Variants in SAMHD1 observed in about 807,000 individuals in gnomAD.
The protein encoded by SAMHD1 is deoxynucleoside triphosphate triphosphohydrolase SAMHD1.
In SAMHD1, 54 loss-of-function variants were observed where a neutral mutation model predicts 79.6. The observed-to-expected ratio is 0.68, with a 90% CI of 0.55 to 0.85. The LOEUF (loss-of-function observed/expected upper bound fraction) is 0.85, where lower values mean the gene tolerates loss of function less well. SAMHD1 is among the 40% of genes least tolerant of loss of function. The probability of loss-of-function intolerance (pLI) is 0.00; values close to 1 mark genes in which losing one functional copy is unlikely to be tolerated. For synonymous variants in SAMHD1, 260 were observed against 264.1 expected (o/e 0.98, Z 0.15); for missense variants, 663 against 782.7 (o/e 0.85, Z 1.82).
chr20:36,948,543 G>A (rs545618457), intron 1 of SAMHD1, among the ~76,000 whole-genome samples: 72 of 149,902 alleles, frequency 4.8e-4, no homozygotes, highest in Admixed American at 1.3e-3. Context: ...GTGAGCCACC[G>A]TGCCCGGCCA....
At chr20:36,932,773 A>G (rs1214753481) in intron 4 of SAMHD1, among the ~76,000 whole-genome samples, 2 of 152,000 alleles carry the variant, frequency 1.3e-5, no homozygotes, top group African/African-American at 4.8e-5. Context: ...TAAGATGATA[A>G]GAGTTTTGGC....
chr20:36,929,952 G>A (rs1214291471), intron 5 of SAMHD1, among the ~76,000 whole-genome samples: 6 of 151,922 alleles, frequency 3.9e-5, no homozygotes, highest in Admixed American at 6.6e-5. Context: ...AAGGCCAGGC[G>A]CGGTGGCTTA....
chr20:36,928,756 C>G (rs1273136652), intron 5 of SAMHD1, among the ~76,000 whole-genome samples: 1 of 150,156 alleles, frequency 6.7e-6, no homozygotes, highest in African/African-American at 2.5e-5. Flanking sequence ...AACTCTCAAG[C>G]TTAAAAAAAT....
At position 36,893,014 on chromosome 20, in the gene SAMHD1, T is replaced by C. The variant is rs2148352199; in HGVS notation, c.1799A>G (p.Asp600Gly). Residue 600 changes from aspartate (D) to glycine (G), a missense_variant, in exon 16 of 16, where the codon GAC (aspartate) becomes GGC (glycine). Physicochemically the swap from Asp to Gly is moderately conservative, Grantham distance 94. Coordinates refer to ENST00000646673, the MANE Select transcript of SAMHD1 (RefSeq NM_015474.4). ...AGTTGGATTTTGGACTGAAGTACTG[T>C]CGTTCCATTCCTTTTTTTGAGGTGT... ...LITPQKKEWN[D>G]STSVQNPTRL... The C allele has an allele frequency of 6.2e-7, 1 of 1,614,110 alleles. No individual in the cohort carries two copies. The highest frequency in any genetic ancestry group is 8.5e-7 in the Non-Finnish European group (1 of 1,180,024).
chr20:36,937,861 T>G (rs556540174), intron 3 of SAMHD1, among the ~76,000 whole-genome samples: 56 of 51,390 alleles, frequency 1.1e-3, no homozygotes, highest in Non-Finnish European at 1.5e-3. Context: ...TGTTGGTTTG[T>G]TTTTTTTTTT....
intron 2 of SAMHD1, among the ~76,000 whole-genome samples, chr20:36,942,163 C>T (rs1001907754): frequency 7.9e-5 from 12 of 152,174 alleles, no homozygotes; most frequent in Admixed American, 7.9e-4. Context: ...CACCTGTAAT[C>T]CCAGCACTTT....
intron 6 of SAMHD1, among the ~76,000 whole-genome samples, chr20:36,924,925 G>A (rs377239205): frequency 2.6e-5 from 4 of 151,998 alleles, no homozygotes; most frequent in East Asian, 3.9e-4. Flanking sequence ...TTGGGAGGCC[G>A]ATGTGGGTGG....
In SAMHD1 at chr20:36,897,811, A is replaced by G; in HGVS notation, c.1746+11T>C. 6.2e-7 allele frequency: 1 copy of G among 1,614,196 alleles called. No individual in the cohort carries two copies. The highest frequency in any genetic ancestry group is 8.5e-7 in the Non-Finnish European group (1 of 1,180,030). ...AAATTGTGCAAAGTTTGTGAGTAAC[A>G]GGCCACCTACCTGCGGCTTGGTGAA... On this transcript the variant is annotated intron_variant, in intron 15 of 15. Coordinates refer to ENST00000646673, the MANE Select transcript of SAMHD1 (RefSeq NM_015474.4).
intron 9 of SAMHD1, among the ~76,000 whole-genome samples, chr20:36,913,131 G>A (rs545177475): frequency 1.3e-5 from 2 of 149,892 alleles, no homozygotes; most frequent in South Asian, 4.2e-4. Context: ...CGAGTGGCTG[G>A]GACTACAGGC....
At chr20:36,912,929 G>C (rs576004855) in intron 9 of SAMHD1, among the ~76,000 whole-genome samples, 7 of 104,048 alleles carry the variant, frequency 6.7e-5, no homozygotes, top group Non-Finnish European at 1.1e-4. Flanking sequence ...ATGGAGTCTC[G>C]ATCTGTTGCC....
At chr20:36,931,061 C>T in intron 4 of SAMHD1, 186 bp from the exon 5 acceptor site, 1 of 625,928 alleles carries the variant, frequency 1.6e-6, no homozygotes, top group Non-Finnish European at 2.9e-6. Flanking sequence ...GGACCTCTGG[C>T]TCAATATCAC....
At chr20:36,949,092 C>T (rs2063714947) in intron 1 of SAMHD1, among the ~76,000 whole-genome samples, 1 of 150,326 alleles carries the variant, frequency 6.7e-6, no homozygotes, top group African/African-American at 2.4e-5. Flanking sequence ...TGGTGAAACC[C>T]TGTCTTTACT....
At position 36,949,755 on chromosome 20, in the gene SAMHD1, CAAAAAAAA is replaced by C. The variant is rs34682795; in HGVS notation, c.208+1673_208+1680del. Reference sequence around the variant, plus strand: ...CTGGCGACAGAGCGAGACTCTGTCTCAAAAAAAAAAAAAAAAAAAAAAAAGAATCCAAC... The same window carrying C: ...CTGGCGACAGAGCGAGACTCTGTCTCAAAAAAAAAAAAAAAAGAATCCAAC... On this transcript the variant is annotated intron_variant, in intron 1 of 15. Transcript: ENST00000646673. Among the ~76,000 whole-genome samples the C allele has an allele frequency of 1.4e-4, 10 of 69,824 alleles. No individual in the cohort carries two copies. In the South Asian group the frequency reaches 1.9e-3, roughly 13 times the overall value. The allele number at this position is 69,824 out of a possible 152,430, so 45.8% of individuals were successfully genotyped here.
chr20:36,934,490 T>G (rs1176815300), intron 4 of SAMHD1, among the ~76,000 whole-genome samples: 1 of 106,970 alleles, frequency 9.3e-6, no homozygotes, highest in African/African-American at 3.7e-5. Context: ...GCCACTGCAC[T>G]CCAGCCTAGT....
In SAMHD1 at chr20:36,905,373, C is replaced by A; in HGVS notation, c.1401G>T (p.Lys467Asn). 2 of 1,614,046 alleles carry A rather than the reference C, an allele frequency of 1.2e-6. No homozygotes were observed. Among genetic ancestry groups the A allele is most frequent in the Non-Finnish European group, 1.7e-6 (2 of 1,179,992 alleles). The part of the protein sequence containing the change: ...VGETQPTGQI[K>N]IKREDYESLP... Reference sequence around the variant, plus strand: ...ATGCCTGATAACTCACCCTTTTAATCTTTATTTGTCCTGTTGGCTGCGTCT... The same window carrying A: ...ATGCCTGATAACTCACCCTTTTAATATTTATTTGTCCTGTTGGCTGCGTCT... Residue 467 changes from lysine to asparagine, a missense_variant, in exon 12 of 16, where the codon AAG becomes AAT. By Grantham distance (94) the Lys-to-Asn change is moderately conservative (BLOSUM62 0). Transcript: ENST00000646673.
At chr20:36,919,620 G>A (rs1009747990) in intron 6 of SAMHD1, 101 bp from the exon 7 acceptor site, 3 of 1,029,824 alleles carry the variant, frequency 2.9e-6, no homozygotes, top group Non-Finnish European at 4.4e-6. Flanking sequence ...TGAGATAAAG[G>A]TCTATTGCAT....
intron 6 of SAMHD1, among the ~76,000 whole-genome samples, chr20:36,926,344 T>A (rs2063536420): frequency 6.6e-6 from 1 of 152,184 alleles, no homozygotes. Flanking sequence ...GGACCTCCTA[T>A]ATGATTCTGC....
intron 14 of SAMHD1, 110 bp from the exon 15 acceptor site, chr20:36,898,069 T>C: frequency 7.3e-7 from 1 of 1,371,224 alleles, no homozygotes. Flanking sequence ...GATCTCCCTG[T>C]CACCCAGGCT....
rs752091482 is a variant in SAMHD1 at position 36,898,565 on chromosome 20, A to G, written c.1504-21T>C. 4.5e-6 allele frequency: 7 copies of G among 1,566,032 alleles called. 1 individual carries two copies. In the South Asian group the frequency reaches 6.7e-5, roughly 15 times the overall value. On this transcript the variant is annotated intron_variant, in intron 13 of 15. Transcript: ENST00000646673. Reference sequence around the variant, plus strand: ...ATAACCTAAATAAAAGCAATTCACAAGTAATCATATAGCAAGCAGGAGAAC... The same window carrying G: ...ATAACCTAAATAAAAGCAATTCACAGGTAATCATATAGCAAGCAGGAGAAC...
Sources: allele counts gnomAD v4.1 joint callset (sites outside exome capture counted in the v4.1 genomes callset), GRCh38; gene constraint gnomAD v4.1.1; transcripts MANE v1.5; gene names NCBI Gene and HGNC (gene_info 2026-07-23, HGNC 2026-07-21).